Variants in ADRA1D observed in about 807,000 individuals in gnomAD.
ADRA1D encodes the protein adrenoceptor alpha 1D.
In ADRA1D, 22 loss-of-function variants were observed where a neutral mutation model predicts 18.6. The ratio of observed to expected loss-of-function variants is 1.19; its 90% CI spans 0.85 to 1.69. ADRA1D has a LOEUF of 1.69. Among genes scored for constraint, ADRA1D ranks in the 40% most tolerant of loss-of-function variants. The pLI is 0.00. For missense variants in ADRA1D, 840 were observed against 840.7 expected, an observed-to-expected ratio of 1.00 and a Z score of 0.01; for synonymous variants, 376 against 388.2, an observed-to-expected ratio of 0.97 and a Z score of 0.37.
At position 4,222,651 on chromosome 20, in the gene ADRA1D, G is replaced by A. The variant is rs1980701302; in HGVS notation, c.1112-521C>T. Among the ~76,000 whole-genome samples, 1 of 152,112 alleles carries A rather than the reference G, an allele frequency of 6.6e-6. No individual in the cohort carries two copies. The highest frequency in any genetic ancestry group is 1.5e-5 in the Non-Finnish European group (1 of 68,028). On this transcript the variant is annotated intron_variant, in intron 1 of 1. Coordinates refer to ENST00000379453, the MANE Select transcript of ADRA1D (RefSeq NM_000678.4). This position sits in a 1 kb window ranked among gnomAD's most constrained non-coding sequence, Gnocchi z 4.3. ...GAAATGATAAATGACCCTAGTCCTT[G>A]CCTCTTCCTACACAGAAGATAACGT...
Position 4,248,415 on chromosome 20 carries a change from C to G in ADRA1D, c.543G>C (p.Thr181=). The G allele has an allele frequency of 6.2e-7, 1 of 1,610,376 alleles. No individual in the cohort carries two copies. The highest frequency in any genetic ancestry group is 1.3e-5 in the African/African-American group (1 of 74,982). The change falls in exon 1 of 2, where the codon ACG becomes ACC. Residue 181 remains threonine (T), a synonymous_variant. Coordinates refer to ENST00000379453, the MANE Select transcript of ADRA1D (RefSeq NM_000678.4). ...TGGTGCAGAGGCTGAGGATGGAGGCCGTGCAGCACAGCACGTCCACGGCGG... is the reference window on the plus strand; with the variant it reads ...TGGTGCAGAGGCTGAGGATGGAGGCGGTGCAGCACAGCACGTCCACGGCGG... ...VWAAVDVLCC[T]ASILSLCTIS...
At chr20:4,228,442 G>A (rs1439646379) in intron 1 of ADRA1D, among the ~76,000 whole-genome samples, 3 of 152,204 alleles carry the variant, frequency 2.0e-5, no homozygotes, top group African/African-American at 4.8e-5. Flanking sequence ...GGATTTGGCA[G>A]CCTAAAGGAG....
At chr20:4,241,592 A>T (rs1176463342) in intron 1 of ADRA1D, among the ~76,000 whole-genome samples, 1 of 152,170 alleles carries the variant, frequency 6.6e-6, no homozygotes, top group African/African-American at 2.4e-5. Flanking sequence ...AGGTGCCACA[A>T]AGCACAGGTA....
Position 4,221,801 on chromosome 20 carries a change from G to GT in ADRA1D, c.1440_1441insA (p.Gln481ThrfsTer108), listed in dbSNP as rs1980674113. 1 of 1,555,770 alleles carries GT rather than the reference G, an allele frequency of 6.4e-7. No homozygotes were observed. Among genetic ancestry groups the GT allele is most frequent in the Non-Finnish European group, 8.6e-7 (1 of 1,156,226 alleles). On this transcript the variant is annotated frameshift_variant, in exon 2 of 2. Coordinates refer to ENST00000379453, the MANE Select transcript of ADRA1D (RefSeq NM_000678.4). LOFTEE classifies it low-confidence loss of function (END_TRUNC). ...TTTCGACGGCTGGCGACCGGAGCCT[G>GT]CATCTCGGGCGTGCCTGGGGGTTCG...
At chr20:4,226,942 G>A (rs148611511) in intron 1 of ADRA1D, among the ~76,000 whole-genome samples, 305 of 152,176 alleles carry the variant, frequency 2.0e-3, no homozygotes, top group African/African-American at 6.9e-3. Context: ...CACCTACACC[G>A]CCCTGCACTT....
chr20:4,223,894 T>C (rs1051025152), intron 1 of ADRA1D, among the ~76,000 whole-genome samples: 2 of 136,634 alleles, frequency 1.5e-5, no homozygotes, highest in Non-Finnish European at 3.4e-5. Flanking sequence ...ATATTTTCAA[T>C]TTACAACAGG....
At chr20:4,225,444 T>TTTTTA (rs1980774285) in intron 1 of ADRA1D, among the ~76,000 whole-genome samples, 2 of 148,604 alleles carry the variant, frequency 1.3e-5, no homozygotes, top group African/African-American at 5.0e-5. Flanking sequence ...TTTTTTTTTT[T>TTTTTA]GAGACAGGGT....
rs1047415995 is a variant in ADRA1D, at chr20:4,239,070, G to C, written c.1111+8777C>G. 3.4e-4 allele frequency among the ~76,000 whole-genome samples: 51 copies of C among 152,038 alleles called. No individual in the cohort carries two copies. Among genetic ancestry groups the C allele is most frequent in the East Asian group, 7.8e-4 (4 of 5,158 alleles). ...GGAAGAGCTTCACTGAGGATTCTGG[G>C]GGAGGGAGAGTAAAATGGGCACATG... On this transcript the variant is annotated intron_variant, in intron 1 of 1. Transcript: ENST00000379453. The surrounding 1 kb of genome is among the most constrained non-coding windows in gnomAD (Gnocchi z 4.9).
At position 4,221,633 on chromosome 20, in the gene ADRA1D, A is replaced by G; in HGVS notation, c.1609T>C (p.Ser537Pro). The change falls in exon 2 of 2, where the codon TCA (serine) becomes CCA (proline). Residue 537 changes from serine to proline, a missense_variant. Ser to Pro is a moderately conservative substitution (Grantham distance 74, BLOSUM62 -1). Transcript: ENST00000379453. ...QRAEAACAQRSEVEAVSLGVP... is the reference protein window; with the variant it reads ...QRAEAACAQRPEVEAVSLGVP... ...CCTAGGGACACAGCCTCCACCTCTG[A>G]GCGCTGGGCGCACGCTGCCTCTGCG... The G allele has an allele frequency of 6.2e-7, 1 of 1,613,068 alleles. No homozygotes were observed. Among genetic ancestry groups the G allele is most frequent in the Non-Finnish European group, 8.5e-7 (1 of 1,179,622 alleles).
At chr20:4,238,018 C>T (rs917487198) in intron 1 of ADRA1D, among the ~76,000 whole-genome samples, 28 of 148,316 alleles carry the variant, frequency 1.9e-4, no homozygotes, top group African/African-American at 5.9e-4. Context: ...GAGGCCGAGG[C>T]GGGCGGATCA....
rs561274856 is a variant in ADRA1D, at chr20:4,240,560, G to A, written c.1111+7287C>T. On this transcript the variant is annotated intron_variant, in intron 1 of 1. Coordinates refer to ENST00000379453, the MANE Select transcript of ADRA1D (RefSeq NM_000678.4). ...TGTAATCCCAGCACTTTGGGAGGCC[G>A]AGGTGGGTGGATCACCTGAGGTCAG... Among the ~76,000 whole-genome samples, 12 of 152,234 alleles carry A rather than the reference G, an allele frequency of 7.9e-5. 1 individual carries two copies. The highest frequency in any genetic ancestry group is 7.8e-4 in the Admixed American group (12 of 15,290).
At chr20:4,231,989 T>C (rs573131871) in intron 1 of ADRA1D, among the ~76,000 whole-genome samples, 1 of 152,140 alleles carries the variant, frequency 6.6e-6, no homozygotes, top group African/African-American at 2.4e-5. Flanking sequence ...CCTGGCTCAC[T>C]GCAACCTCTG....
In ADRA1D at chr20:4,249,073, G is replaced by C. The variant is rs1292713915; in HGVS notation, c.-116C>G. The C allele has an allele frequency of 2.4e-6, 2 of 843,532 alleles. No individual in the cohort carries two copies. Among genetic ancestry groups the C allele is most frequent in the African/African-American group, 1.8e-5 (1 of 54,456 alleles). 52.3% of individuals were successfully genotyped at this position (843,532 alleles called of 1,614,324 possible). The stretch of plus-strand genomic sequence containing the variant: ...TGCAGCTCCGCGCACGGGTCCCGTC[G>C]GGGTCCTGCCCAAGTTCCTGTGACG... On this transcript the variant is annotated 5_prime_UTR_variant, in exon 1 of 2. Transcript: ENST00000379453.
Position 4,247,941 on chromosome 20 carries a change from C to T in ADRA1D, c.1017G>A (p.Lys339=), listed in dbSNP as rs1981375418. Residue 339 remains lysine, a synonymous_variant, in exon 1 of 2, where the codon AAG becomes AAA. Coordinates refer to ENST00000379453, the MANE Select transcript of ADRA1D (RefSeq NM_000678.4). The part of the protein sequence containing the change: ...FRSSLSVRLL[K]FSREKKAAKT... Reference sequence around the variant, plus strand: ...TGGCCGCTTTCTTCTCACGGGAGAACTTGAGCAGGCGCACGGAGAGCGAGC... The same window carrying T: ...TGGCCGCTTTCTTCTCACGGGAGAATTTGAGCAGGCGCACGGAGAGCGAGC... The T allele has an allele frequency of 6.2e-7, 1 of 1,602,208 alleles. No individual in the cohort carries two copies. The highest frequency in any genetic ancestry group is 8.5e-7 in the Non-Finnish European group (1 of 1,174,688).
Position 4,222,352 on chromosome 20 carries a change from A to AT in ADRA1D, c.1112-223dup, listed in dbSNP as rs1156251510. The AT allele has an allele frequency of 5.5e-6, 3 of 543,550 alleles. No individual in the cohort carries two copies. Among genetic ancestry groups the AT allele is most frequent in the Non-Finnish European group, 8.7e-6 (3 of 344,434 alleles). The allele number at this position is 543,550 out of a possible 1,614,324, so 33.7% of individuals were successfully genotyped here. On this transcript the variant is annotated intron_variant, in intron 1 of 1. Transcript: ENST00000379453. This position sits in a 1 kb window ranked among gnomAD's most constrained non-coding sequence, Gnocchi z 4.3. ...TGATATTGAGGATTACCTTCAATGA[A>AT]TGTAGGCAACAAACCAGAGTAGAGT... is the stretch of plus-strand genomic sequence containing the variant.
intron 1 of ADRA1D, among the ~76,000 whole-genome samples, chr20:4,235,656 G>A (rs1230153414): frequency 6.6e-6 from 1 of 152,234 alleles, no homozygotes; most frequent in Non-Finnish European, 1.5e-5. Context: ...ACTAATACCC[G>A]GGGAGAGAAG....
intron 1 of ADRA1D, among the ~76,000 whole-genome samples, chr20:4,230,274 G>A (rs528302534): frequency 7.6e-4 from 115 of 152,250 alleles, no homozygotes; most frequent in South Asian, 1.0e-3. Flanking sequence ...ACATCCCTGG[G>A]GTGGGGCCAG....
intron 1 of ADRA1D, among the ~76,000 whole-genome samples, chr20:4,229,429 GGC>G (rs1568764111): frequency 0.014 from 2,166 of 152,312 alleles, 46 homozygotes; most frequent in African/African-American, 0.05. Context: ...GGAAGATGGG[GGC>G]GAGTGTGCTT....
chr20:4,247,384 A>G (rs796782271), intron 1 of ADRA1D, among the ~76,000 whole-genome samples: 18 of 152,236 alleles, frequency 1.2e-4, no homozygotes, highest in African/African-American at 4.1e-4. Flanking sequence ...AGTGCTGGGG[A>G]AAAGCGGGTG....
Sources: allele counts gnomAD v4.1 joint callset (sites outside exome capture counted in the v4.1 genomes callset), GRCh38; gene constraint gnomAD v4.1.1; non-coding constraint Gnocchi (gnomAD v3.1); transcripts MANE v1.5; gene names NCBI Gene and HGNC (gene_info 2026-07-23, HGNC 2026-07-21).